GLYATL3: variants seen among roughly 807,000 people sequenced by gnomAD.
GLYATL3 encodes glycine N-acyltransferase-like protein 3.
Under a neutral mutation model 28.5 loss-of-function variants are expected in GLYATL3, and 31 were observed. That is an observed-to-expected ratio of 1.09 (90% CI 0.82 to 1.47). The LOEUF (loss-of-function observed/expected upper bound fraction) is 1.47. GLYATL3 is among the 40% of genes most tolerant of loss of function. GLYATL3 has a pLI of 0.00. For missense variants in GLYATL3, 369 were observed against 351.5 expected (o/e 1.05, Z -0.40); for synonymous variants, 141 against 140.2 (o/e 1.01, Z -0.04).
intron 1 of GLYATL3, among the ~76,000 whole-genome samples, chr6:49,507,222 T>C (rs1322275805): frequency 6.6e-6 from 1 of 152,048 alleles, no homozygotes. Context: ...CGTTAACTTG[T>C]GGCAGTTGAA....
At chr6:49,515,628 C>T in intron 2 of GLYATL3, 25 bp from the exon 3 acceptor site, 2 of 1,348,944 alleles carry the variant, frequency 1.5e-6, no homozygotes, top group Non-Finnish European at 2.1e-6. Flanking sequence ...GTATGATTGG[C>T]TTGTCTCTGG....
chr6:49,509,948 C>CTTCCTTTCTT (rs68151540), intron 1 of GLYATL3, among the ~76,000 whole-genome samples: 3,839 of 100,238 alleles, frequency 0.038, 104 homozygotes, highest in Middle Eastern at 0.067. Flanking sequence ...TATTTTCTTT[C>CTTCCTTTCTT]TCTTTCTTTC....
chr6:49,512,574 G>T (rs1398296398), intron 2 of GLYATL3, among the ~76,000 whole-genome samples: 1 of 151,986 alleles, frequency 6.6e-6, no homozygotes, highest in Non-Finnish European at 1.5e-5. Flanking sequence ...ATAGCAGAAG[G>T]GTATGGACTA....
Position 49,521,639 on chromosome 6 carries a change from A to G in GLYATL3, c.314-6A>G, listed in dbSNP as rs1769317977. 8 of 1,547,644 alleles carry G rather than the reference A, an allele frequency of 5.2e-6. No individual in the cohort carries two copies. The East Asian group carries it at 2.0e-4, about 38-fold the overall frequency. ...CACATATTAAATTATGTCTTTCTAT[A>G]CACAGGGCTGCAGAGTGAGTTATAT... On this transcript the variant is annotated splice_polypyrimidine_tract_variant and splice_region_variant and intron_variant, in intron 4 of 5. Coordinates refer to ENST00000371197, the MANE Select transcript of GLYATL3 (RefSeq NM_001010904.2).
intron 2 of GLYATL3, among the ~76,000 whole-genome samples, 178 bp downstream of exon 2, chr6:49,512,246 G>A (rs572838252): frequency 1.3e-5 from 2 of 150,100 alleles, no homozygotes; most frequent in South Asian, 2.1e-4. Context: ...TGTGGATAAG[G>A]CCCAGGGAAT....
At chr6:49,512,313 TG>T (rs1297501278) in intron 2 of GLYATL3, among the ~76,000 whole-genome samples, 1 of 149,474 alleles carries the variant, frequency 6.7e-6, no homozygotes, top group African/African-American at 2.5e-5. Flanking sequence ...CTTTAAGTTC[TG>T]GGATGCATGT....
intron 4 of GLYATL3, 117 bp downstream of exon 4, chr6:49,517,673 G>A (rs971238333): frequency 3.1e-6 from 2 of 649,256 alleles, no homozygotes; most frequent in African/African-American, 1.9e-5. Flanking sequence ...ATACACACCT[G>A]TATGTATAAA....
At chr6:49,516,685 T>C (rs1769220661) in intron 3 of GLYATL3, among the ~76,000 whole-genome samples, 3 of 152,088 alleles carry the variant, frequency 2.0e-5, no homozygotes, top group Admixed American at 6.6e-5. Context: ...TCCCACCTAC[T>C]TGAGAGGCTG....
At chr6:49,507,882 G>GT (rs1269249711) in intron 1 of GLYATL3, among the ~76,000 whole-genome samples, 1 of 152,176 alleles carries the variant, frequency 6.6e-6, no homozygotes, top group Non-Finnish European at 1.5e-5. Context: ...GAGGGCGGGG[G>GT]TAGGTTAGTG....
chr6:49,510,068 C>T (rs2127431874), intron 1 of GLYATL3, among the ~76,000 whole-genome samples: 1 of 145,216 alleles, frequency 6.9e-6, no homozygotes, highest in South Asian at 2.2e-4. Context: ...GAGTTTTGCA[C>T]TTGTTGCCCA....
intron 3 of GLYATL3, among the ~76,000 whole-genome samples, chr6:49,516,426 G>T (rs1308673952): frequency 1.3e-5 from 2 of 152,010 alleles, no homozygotes; most frequent in Admixed American, 6.6e-5. Context: ...TATGACTGAT[G>T]ACTTTGGTCA....
At chr6:49,508,302 CAAT>C (rs1769052529) in intron 1 of GLYATL3, among the ~76,000 whole-genome samples, 1 of 152,048 alleles carries the variant, frequency 6.6e-6, no homozygotes, top group Non-Finnish European at 1.5e-5. Context: ...TCTCAAACAA[CAAT>C]AACAACAACA....
chr6:49,504,017 G>A (rs772126568), intron 1 of GLYATL3, among the ~76,000 whole-genome samples: 4 of 152,090 alleles, frequency 2.6e-5, no homozygotes, highest in Admixed American at 6.5e-5. Flanking sequence ...GTCCATCCAC[G>A]TCATGGCTCG....
intron 1 of GLYATL3, among the ~76,000 whole-genome samples, chr6:49,505,844 C>A (rs905255506): frequency 6.6e-6 from 1 of 152,076 alleles, no homozygotes. Flanking sequence ...TTATTTTGTA[C>A]TATAAGTCCC....
intron 1 of GLYATL3, among the ~76,000 whole-genome samples, chr6:49,505,211 T>C (rs1324154734): frequency 1.3e-5 from 2 of 152,182 alleles, no homozygotes; most frequent in African/African-American, 2.4e-5. Context: ...TGAGAACGAA[T>C]GTGAGTGATG....
chr6:49,524,000 C>CTT (rs67853821), intron 5 of GLYATL3, among the ~76,000 whole-genome samples: 1 of 145,320 alleles, frequency 6.9e-6, no homozygotes, highest in Non-Finnish European at 1.5e-5. Flanking sequence ...GACATTTTGT[C>CTT]TTTTTTTTTT....
chr6:49,502,412 T>C (rs950247969), intron 1 of GLYATL3, among the ~76,000 whole-genome samples: 21 of 152,228 alleles, frequency 1.4e-4, no homozygotes, highest in Non-Finnish European at 2.4e-4. Flanking sequence ...AGCTTGCTTA[T>C]GTCTAAACTT....
chr6:49,518,798 G>A lies in GLYATL3; in HGVS notation c.313+1242G>A, dbSNP rs554571562. ...TACTAAAAATACAAAAAAATTAGCC[G>A]GGCATGGTGGCGGGCGCCTGTAGTC... is the stretch of plus-strand genomic sequence containing the variant. On this transcript the variant is annotated intron_variant, in intron 4 of 5. Transcript: ENST00000371197. Among the ~76,000 whole-genome samples, 21 of 152,104 alleles carry A rather than the reference G, an allele frequency of 1.4e-4. No individual in the cohort carries two copies. The South Asian group carries it at 3.1e-3, about 23-fold the overall frequency.
chr6:49,510,616 G>T (rs1769105369), intron 1 of GLYATL3, among the ~76,000 whole-genome samples: 1 of 152,202 alleles, frequency 6.6e-6, no homozygotes, highest in Non-Finnish European at 1.5e-5. Flanking sequence ...TGTATTTAGA[G>T]ATGACACAAA....
Sources: gnomAD v4.1 joint callset for allele counts (sites outside exome capture counted in the v4.1 genomes callset) on GRCh38, gnomAD v4.1.1 for gene constraint, MANE v1.5 for transcripts, NCBI Gene and HGNC (gene_info 2026-07-23, HGNC 2026-07-21) for gene names.